NOL4: variants seen among roughly 807,000 people sequenced by gnomAD.
NOL4 encodes nucleolar protein 4.
NOL4 carries 17 observed loss-of-function variants against 75.9 expected under a neutral mutation model. The observed-to-expected ratio is 0.22, with a 90% CI of 0.15 to 0.34. The LOEUF is 0.34. Among genes scored for constraint, NOL4 ranks in the 10% least tolerant of loss-of-function variants. The probability of loss-of-function intolerance (pLI) is 1.00; values close to 1 mark genes in which losing one functional copy is unlikely to be tolerated. For synonymous variants in NOL4, 292 were observed against 289.9 expected, an observed-to-expected ratio of 1.01 and a Z score of -0.07; for missense variants, 614 against 793.5, an observed-to-expected ratio of 0.77 and a Z score of 2.72.
chr18:34,205,671 C>T (rs1375353614), intron 1 of NOL4, among the ~76,000 whole-genome samples: 2 of 152,096 alleles, frequency 1.3e-5, no homozygotes, highest in Non-Finnish European at 2.9e-5. Context: ...TGACAACCTA[C>T]ATGTCAGAAG....
chr18:33,916,706 T>C (rs2066741705), intron 9 of NOL4, among the ~76,000 whole-genome samples: 1 of 152,204 alleles, frequency 6.6e-6, no homozygotes, highest in Non-Finnish European at 1.5e-5. Context: ...AACAAAACGT[T>C]GTATAATAAT....
chr18:34,200,129 C>T (rs2035627274), intron 1 of NOL4, among the ~76,000 whole-genome samples: 1 of 151,798 alleles, frequency 6.6e-6, no homozygotes, highest in African/African-American at 2.4e-5. Context: ...AAACATGTTA[C>T]TTTTTATTGG....
rs186212526 is a variant in NOL4, at chr18:34,021,272, G to A, written c.773-1671C>T. Among the ~76,000 whole-genome samples, 97 of 152,280 alleles carry A rather than the reference G, an allele frequency of 6.4e-4. 1 individual carries two copies. Among genetic ancestry groups the A allele is most frequent in the Non-Finnish European group, 1.8e-4 (12 of 68,010 alleles). ...ACAAGGGATAAAGACATCATAGAAG[G>A]CTTCCTAAAGAAGGTGATATGAGTT... On this transcript the variant is annotated intron_variant, in intron 5 of 10. Transcript: ENST00000261592.
At chr18:34,021,874 G>T (rs187747047) in intron 5 of NOL4, among the ~76,000 whole-genome samples, 3 of 152,150 alleles carry the variant, frequency 2.0e-5, no homozygotes, top group African/African-American at 7.2e-5. Context: ...AGGCCGAGGT[G>T]GGTGGATCAC....
chr18:33,861,182 T>A (rs2063105666), intron 10 of NOL4, among the ~76,000 whole-genome samples: 1 of 152,184 alleles, frequency 6.6e-6, no homozygotes, highest in Non-Finnish European at 1.5e-5. Context: ...TCTTTTTCTA[T>A]TGATTGGAAT....
At chr18:34,059,354 C>T (rs574301505) in intron 5 of NOL4, among the ~76,000 whole-genome samples, 1 of 151,946 alleles carries the variant, frequency 6.6e-6, no homozygotes, top group South Asian at 2.1e-4. Context: ...CTGGACACAC[C>T]ACACTCTCTT....
At chr18:33,984,226 A>G (rs2072244088) in intron 6 of NOL4, among the ~76,000 whole-genome samples, 1 of 152,164 alleles carries the variant, frequency 6.6e-6, no homozygotes, top group Non-Finnish European at 1.5e-5. Context: ...ATTATGAAGA[A>G]ATAGAATGCA....
At chr18:34,058,325 G>A (rs552261439) in intron 5 of NOL4, among the ~76,000 whole-genome samples, 17 of 152,138 alleles carry the variant, frequency 1.1e-4, no homozygotes, top group African/African-American at 3.1e-4. Flanking sequence ...TAGTAGAGAC[G>A]GGGTTTCACC....
At chr18:34,215,605 A>G (rs2065426768) in intron 1 of NOL4, among the ~76,000 whole-genome samples, 1 of 152,156 alleles carries the variant, frequency 6.6e-6, no homozygotes, top group Non-Finnish European at 1.5e-5. Context: ...GGGAATAAGA[A>G]AAAGATGTGT....
intron 2 of NOL4, among the ~76,000 whole-genome samples, chr18:34,127,328 C>T (rs1345399002): frequency 6.6e-6 from 1 of 151,760 alleles, no homozygotes; most frequent in Non-Finnish European, 1.5e-5. Flanking sequence ...ACCACTAGAT[C>T]TATTGATAAT....
chr18:33,883,210 TAAA>T, intron 10 of NOL4, 31 bp downstream of exon 10: 12 of 1,366,134 alleles, frequency 8.8e-6, no homozygotes, highest in Non-Finnish European at 1.2e-5. Flanking sequence ...GTATAATAAT[TAAA>T]AAAAAAACAC....
At position 33,893,379 on chromosome 18, in the gene NOL4, A is replaced by G. The variant is rs184825220; in HGVS notation, c.1543-9955T>C. Among the ~76,000 whole-genome samples, 371 of 152,234 alleles carry G rather than the reference A, an allele frequency of 2.4e-3. 1 individual carries two copies. The highest frequency in any genetic ancestry group is 0.019 in the Admixed American group (295 of 15,258). ...AGAAACTGGACACATACAAAATTTG[A>G]GTTTGTTAAACTGATTTGGACCCTG... On this transcript the variant is annotated intron_variant, in intron 9 of 10. Transcript: ENST00000261592.
intron 6 of NOL4, among the ~76,000 whole-genome samples, chr18:33,959,718 G>A (rs1163760286): frequency 1.3e-5 from 2 of 152,072 alleles, no homozygotes; most frequent in Non-Finnish European, 2.9e-5. Context: ...TAGAACAACT[G>A]CATACCTAGT....
chr18:34,209,695 T>C (rs2036381309), intron 1 of NOL4, among the ~76,000 whole-genome samples: 1 of 152,174 alleles, frequency 6.6e-6, no homozygotes, highest in Non-Finnish European at 1.5e-5. Context: ...CTAAGATTAC[T>C]TAATTTATAC....
At chr18:34,170,986 A>G (rs755372772) in intron 1 of NOL4, among the ~76,000 whole-genome samples, 12 of 152,204 alleles carry the variant, frequency 7.9e-5, no homozygotes, top group Non-Finnish European at 1.8e-4. Context: ...TTAAGCTAAC[A>G]TTGATCAGCA....
intron 2 of NOL4, among the ~76,000 whole-genome samples, chr18:34,110,207 C>CTTGATACCA (rs2079525560): frequency 6.9e-6 from 1 of 144,430 alleles, no homozygotes; most frequent in African/African-American, 2.5e-5. Context: ...TCAGCATTAC[C>CTTGATACCA]TTGATACCAA....
chr18:34,043,264 G>T (rs138807665), intron 5 of NOL4, among the ~76,000 whole-genome samples: 14 of 152,190 alleles, frequency 9.2e-5, no homozygotes, highest in African/African-American at 2.9e-4. Flanking sequence ...ATTAATGTAT[G>T]TATGCAAATA....
chr18:33,858,924 A>G (rs185361692), intron 10 of NOL4, among the ~76,000 whole-genome samples: 1 of 152,182 alleles, frequency 6.6e-6, no homozygotes, highest in Admixed American at 6.6e-5. Flanking sequence ...ACATGGTCTA[A>G]TATCTCTAAA....
chr18:33,858,445 T>TA (rs2062934881), intron 10 of NOL4, among the ~76,000 whole-genome samples: 3 of 151,910 alleles, frequency 2.0e-5, no homozygotes, highest in Admixed American at 1.3e-4. Flanking sequence ...CTAATATAGA[T>TA]AAAGTATCCA....
Sources: allele counts gnomAD v4.1 joint callset (sites outside exome capture counted in the v4.1 genomes callset), GRCh38; gene constraint gnomAD v4.1.1; transcripts MANE v1.5; gene names NCBI Gene and HGNC (gene_info 2026-07-23, HGNC 2026-07-21).